DPRX: variants seen among roughly 807,000 people sequenced by gnomAD.
DPRX encodes divergent-paired related homeobox, also known as divergent paired-related homeobox.
In DPRX, 11 loss-of-function variants were observed where a neutral mutation model predicts 8.4. That is an observed-to-expected ratio of 1.31 (90% CI 0.82 to 2.17). The LOEUF is 2.17. Among genes scored for constraint, DPRX ranks in the 30% most tolerant of loss-of-function variants. The pLI, the probability that DPRX is intolerant of heterozygous loss-of-function variation, is 0.00. For missense variants in DPRX, 211 were observed against 236.7 expected (o/e 0.89, Z 0.71); for synonymous variants, 72 against 87.0 (o/e 0.83, Z 0.96).
chr19:53,612,091 AAAGT>A, the DPRX span, among the ~76,000 whole-genome samples: 4 of 152,010 alleles, frequency 2.6e-5, no homozygotes, highest in African/African-American at 9.7e-5. Flanking sequence ...CTCAAAAAAA[AAAGT>A]AAGCTGGGTG....
chr19:53,622,851 C>T, the DPRX span, among the ~76,000 whole-genome samples: 1 of 152,154 alleles, frequency 6.6e-6, no homozygotes. Flanking sequence ...AATGCCAATT[C>T]TGTTTCACTC....
At chr19:53,603,518 G>A in the DPRX span, 6 of 409,066 alleles carry the variant, frequency 1.5e-5, no homozygotes, top group South Asian at 3.4e-5. Flanking sequence ...TCGGCTTCTC[G>A]TTCTTGCTGA....
chr19:53,605,668 A>G, the DPRX span, among the ~76,000 whole-genome samples: 1 of 151,354 alleles, frequency 6.6e-6, no homozygotes, highest in Non-Finnish European at 1.5e-5. Context: ...TATTTTAATT[A>G]TTTTATTTTA....
chr19:53,632,848 T>C (rs1225053492), intron 1 of DPRX, among the ~76,000 whole-genome samples: 2 of 152,202 alleles, frequency 1.3e-5, no homozygotes, highest in East Asian at 3.8e-4. Flanking sequence ...CCCACCCCGA[T>C]GCTTGTTCTT....
the DPRX span, chr19:53,617,270 G>T: frequency 1.4e-6 from 1 of 730,158 alleles, no homozygotes; most frequent in Non-Finnish European, 2.5e-6. Context: ...CCTTTAAGAA[G>T]AAATCAGGCT....
At chr19:53,616,208 C>T in the DPRX span, among the ~76,000 whole-genome samples, 18 of 151,842 alleles carry the variant, frequency 1.2e-4, no homozygotes, top group Middle Eastern at 3.4e-3. Flanking sequence ...CCCGAGATTG[C>T]GCCATTGCAC....
At chr19:53,632,277 A>T (rs2091095508) in intron 1 of DPRX, 143 bp downstream of exon 1, 6 of 1,017,458 alleles carry the variant, frequency 5.9e-6, no homozygotes, top group Non-Finnish European at 9.0e-6. Flanking sequence ...AGAGGCTGTC[A>T]TCGTTTTTGT....
chr19:53,629,791 C>G (rs1025693394), upstream of DPRX: 5 of 141,738 alleles, frequency 3.5e-5, no homozygotes, highest in Admixed American at 3.5e-4. Context: ...CCCAGGAGTT[C>G]TAGGCTGTAA....
the DPRX span, among the ~76,000 whole-genome samples, chr19:53,614,098 A>T: frequency 2.0e-5 from 3 of 151,668 alleles, no homozygotes; most frequent in Admixed American, 6.6e-5. Context: ...CTACAGGTGC[A>T]CACCACCACG....
chr19:53,617,820 A>G, the DPRX span, among the ~76,000 whole-genome samples: 3 of 151,984 alleles, frequency 2.0e-5, no homozygotes, highest in Admixed American at 2.0e-4. Flanking sequence ...GATGAGTGGC[A>G]TTTTCTTCTT....
At chr19:53,636,084 T>A (rs1005848378) in intron 2 of DPRX, among the ~76,000 whole-genome samples, 2 of 152,064 alleles carry the variant, frequency 1.3e-5, no homozygotes, top group African/African-American at 4.8e-5. Context: ...AAGGAAAACT[T>A]GGGTTGGGTA....
chr19:53,633,851 C>T (rs1279294624), intron 1 of DPRX, among the ~76,000 whole-genome samples: 1 of 151,324 alleles, frequency 6.6e-6, no homozygotes, highest in Non-Finnish European at 1.5e-5. Flanking sequence ...ACCATGCTGG[C>T]CAGGCTGGTC....
chr19:53,629,433 T>C (rs1418979542), upstream of DPRX, among the ~76,000 whole-genome samples: 1 of 151,450 alleles, frequency 6.6e-6, no homozygotes, highest in Non-Finnish European at 1.5e-5. Context: ...TATTATATAA[T>C]GTAATTTTAT....
At chr19:53,631,579 C>A (rs1028594742), upstream of DPRX, among the ~76,000 whole-genome samples, 1 of 151,756 alleles carries the variant, frequency 6.6e-6, no homozygotes, top group African/African-American at 2.4e-5. Context: ...GCCAACATGG[C>A]GGAAACTCCG....
chr19:53,636,691 TG>T lies in DPRX; in HGVS notation c.283del (p.Val95SerfsTer7), dbSNP rs1032197381. The T allele has an allele frequency of 1.2e-6, 2 of 1,613,856 alleles. No individual in the cohort carries two copies. The highest frequency in any genetic ancestry group is 1.7e-6 in the Non-Finnish European group (2 of 1,180,014). ...CTCCACAACCGCCAATACCAGAGGG[TG>T]GGGTCTCCACCAGTGTCGGCCTGAG... On this transcript the variant is annotated frameshift_variant, in exon 3 of 3. Transcript: ENST00000376650. LOFTEE classifies it low-confidence loss of function (END_TRUNC).
chr19:53,605,672 T>C, the DPRX span, among the ~76,000 whole-genome samples: 2 of 151,956 alleles, frequency 1.3e-5, no homozygotes, highest in Non-Finnish European at 2.9e-5. Flanking sequence ...TTAATTATTT[T>C]ATTTTATTTT....
the DPRX span, among the ~76,000 whole-genome samples, chr19:53,612,700 C>T: frequency 8.1e-3 from 1,224 of 151,486 alleles, 13 homozygotes; most frequent in African/African-American, 0.028. Context: ...GAGTGAGACT[C>T]GGTCTCAAAA....
upstream of DPRX, among the ~76,000 whole-genome samples, chr19:53,628,200 A>T (rs746848477): frequency 2.0e-5 from 3 of 152,096 alleles, no homozygotes; most frequent in Non-Finnish European, 2.9e-5. Context: ...GTGATTTGGG[A>T]GGCTGAGGTG....
the DPRX span, among the ~76,000 whole-genome samples, chr19:53,624,754 A>C: frequency 8.0e-5 from 12 of 149,838 alleles, no homozygotes; most frequent in African/African-American, 2.9e-4. Flanking sequence ...AGGCACGAGA[A>C]TCGCTTGAAC....
Sources: gnomAD v4.1 joint callset for allele counts (sites outside exome capture counted in the v4.1 genomes callset) on GRCh38, gnomAD v4.1.1 for gene constraint, MANE v1.5 for transcripts, NCBI Gene and HGNC (gene_info 2026-07-23, HGNC 2026-07-21) for gene names.